Variants in TNFSF11 observed in about 807,000 individuals in gnomAD.
The protein encoded by TNFSF11 is TNF superfamily member 11, also known as tumor necrosis factor ligand superfamily member 11.
Under a neutral mutation model 32.2 loss-of-function variants are expected in TNFSF11, and 12 were observed. The observed-to-expected ratio is 0.37, with a 90% CI of 0.24 to 0.60. The LOEUF is 0.60. TNFSF11 is among the 20% of genes least tolerant of loss of function. The pLI is 0.66. For synonymous variants in TNFSF11, 172 were observed against 152.1 expected (o/e 1.13, Z -0.96); for missense variants, 345 against 398.0 (o/e 0.87, Z 1.13).
intron 1 of TNFSF11, among the ~76,000 whole-genome samples, chr13:42,563,404 T>C (rs1265478266): frequency 6.6e-6 from 1 of 152,220 alleles, no homozygotes; most frequent in Non-Finnish European, 1.5e-5. Flanking sequence ...GGCTCACACC[T>C]GTAATCCCAG....
chr13:42,602,583 A>G (rs1869237155), intron 4 of TNFSF11, among the ~76,000 whole-genome samples: 1 of 152,210 alleles, frequency 6.6e-6, no homozygotes, highest in African/African-American at 2.4e-5. Context: ...TGCTTCATAA[A>G]TAATTTGTCT....
At chr13:42,569,337 G>A (rs548555466), upstream of TNFSF11, among the ~76,000 whole-genome samples, 7 of 151,854 alleles carry the variant, frequency 4.6e-5, no homozygotes, top group South Asian at 4.2e-4. Context: ...TCATGAGGTC[G>A]GGAGATCGAG....
In TNFSF11 at chr13:42,600,972, A is replaced by T. The variant is rs780672646; in HGVS notation, c.523A>T (p.Ile175Phe). 2 of 1,614,162 alleles carry T rather than the reference A, an allele frequency of 1.2e-6. No homozygotes were observed. The highest frequency in any genetic ancestry group is 1.7e-6 in the Non-Finnish European group (2 of 1,180,000). Residue 175 changes from isoleucine to phenylalanine, a missense_variant, in exon 4 of 5, where the codon ATC (isoleucine) becomes TTC (phenylalanine). By Grantham distance (21) the Ile-to-Phe change is conservative. Transcript: ENST00000398795. Reference protein sequence around the residue: ...FAHLTINATDIPSGSHKVSLS... With the variant: ...FAHLTINATDFPSGSHKVSLS... ...TCATCTCACTATTAATGCCACCGAC[A>T]TCCCATCTGGTAAGCTCTATCTGCA...
chr13:42,593,700 A>G (rs1451790444), intron 2 of TNFSF11, among the ~76,000 whole-genome samples: 1 of 152,240 alleles, frequency 6.6e-6, no homozygotes, highest in Non-Finnish European at 1.5e-5. Flanking sequence ...CATGAAGGGT[A>G]TCATTAAGAT....
At chr13:42,591,811 T>G (rs1317689167) in intron 2 of TNFSF11, among the ~76,000 whole-genome samples, 30 of 152,066 alleles carry the variant, frequency 2.0e-4, no homozygotes, top group Non-Finnish European at 1.5e-5. Flanking sequence ...AAGAATGCCG[T>G]GGAAATAAGA....
At chr13:42,565,452 C>T (rs1056051030) in intron 1 of TNFSF11, among the ~76,000 whole-genome samples, 2 of 151,968 alleles carry the variant, frequency 1.3e-5, no homozygotes, top group Non-Finnish European at 2.9e-5. Context: ...TTTGTGGGGA[C>T]AACAATTATC....
chr13:42,592,515 C>G (rs1007342128), intron 2 of TNFSF11, among the ~76,000 whole-genome samples: 2 of 152,200 alleles, frequency 1.3e-5, no homozygotes, highest in Middle Eastern at 3.2e-3. Context: ...TCCCTCAGCA[C>G]CTGGCATGTT....
intron 2 of TNFSF11, among the ~76,000 whole-genome samples, chr13:42,585,046 C>T (rs1310375636): frequency 1.3e-5 from 2 of 152,172 alleles, no homozygotes; most frequent in Non-Finnish European, 2.9e-5. Flanking sequence ...AGGCACCTTG[C>T]CATGTCTTTC....
At chr13:42,599,152 G>A (rs942288102) in intron 2 of TNFSF11, among the ~76,000 whole-genome samples, 1 of 152,164 alleles carries the variant, frequency 6.6e-6, no homozygotes, top group Non-Finnish European at 1.5e-5. Context: ...CTTCAGAACA[G>A]GTCAGTGAAG....
intron 2 of TNFSF11, among the ~76,000 whole-genome samples, chr13:42,588,088 T>A (rs1873984157): frequency 6.6e-6 from 1 of 152,242 alleles, no homozygotes; most frequent in Non-Finnish European, 1.5e-5. Context: ...AGTCATGTAG[T>A]GGTTTTCCAA....
intron 2 of TNFSF11, among the ~76,000 whole-genome samples, chr13:42,583,417 T>TAA (rs71747752): frequency 0.029 from 715 of 24,604 alleles, 38 homozygotes; most frequent in Middle Eastern, 0.091. Flanking sequence ...AAGACCCTGC[T>TAA]AAAAAAAAAA....
intron 2 of TNFSF11, among the ~76,000 whole-genome samples, chr13:42,588,799 G>A (rs1242072037): frequency 6.6e-6 from 1 of 152,216 alleles, no homozygotes; most frequent in East Asian, 1.9e-4. Context: ...GGTGGACAGG[G>A]AAGCCATGGT....
Position 42,581,280 on chromosome 13 carries a change from G to A in TNFSF11, c.374G>A (p.Gly125Glu). ...SCRRIKQAFQ[G>E]AVQKELQHIV... ...AGGAGAATTAAACAGGCCTTTCAAG[G>A]AGCTGTGCAAAAGGTAAGTCCACAT... Residue 125 changes from glycine to glutamate, a missense_variant, in exon 2 of 5, where the codon GGA becomes GAA. Gly to Glu is a moderately conservative substitution (Grantham distance 98, BLOSUM62 -2). This residue lies in a region of TNFSF11 where 197 missense variants were observed against 182.0 expected (regional missense o/e 1.08). Coordinates refer to ENST00000398795, the MANE Select transcript of TNFSF11 (RefSeq NM_003701.4). The A allele has an allele frequency of 2.5e-6, 4 of 1,613,988 alleles. No individual in the cohort carries two copies. The highest frequency in any genetic ancestry group is 3.4e-6 in the Non-Finnish European group (4 of 1,179,940).
intron 4 of TNFSF11, among the ~76,000 whole-genome samples, chr13:42,603,793 A>G (rs1327889292): frequency 6.6e-6 from 1 of 152,172 alleles, no homozygotes; most frequent in Non-Finnish European, 1.5e-5. Context: ...TATTTTCTCT[A>G]CTATTAGTGG....
intron 2 of TNFSF11, among the ~76,000 whole-genome samples, chr13:42,594,006 A>G (rs558421369): frequency 1.5e-4 from 23 of 152,364 alleles, no homozygotes; most frequent in Non-Finnish European, 1.8e-4. Flanking sequence ...GACTCCAGCA[A>G]CTTGACCTTT....
chr13:42,590,028 G>A (rs1376044913), intron 2 of TNFSF11, among the ~76,000 whole-genome samples: 1 of 152,234 alleles, frequency 6.6e-6, no homozygotes, highest in African/African-American at 2.4e-5. Context: ...GGCCCACACG[G>A]GGCTTCTTGT....
At chr13:42,594,908 A>G (rs1868713640) in intron 2 of TNFSF11, among the ~76,000 whole-genome samples, 1 of 152,016 alleles carries the variant, frequency 6.6e-6, no homozygotes, top group Non-Finnish European at 1.5e-5. Context: ...AAATTGTGTA[A>G]TCCCAGCATT....
chr13:42,579,362 T>A (rs1476867107), intron 1 of TNFSF11, among the ~76,000 whole-genome samples: 2 of 150,492 alleles, frequency 1.3e-5, no homozygotes, highest in Non-Finnish European at 2.9e-5. Flanking sequence ...TGAGCTATGA[T>A]TATGCCACTG....
At chr13:42,586,245 G>A (rs573930592) in intron 2 of TNFSF11, among the ~76,000 whole-genome samples, 39 of 152,286 alleles carry the variant, frequency 2.6e-4, no homozygotes, top group African/African-American at 2.9e-4. Context: ...CAGCCATTTC[G>A]CGCACATCTG....
Sources: allele counts gnomAD v4.1 joint callset (sites outside exome capture counted in the v4.1 genomes callset), GRCh38; gene constraint gnomAD v4.1.1; regional missense constraint gnomAD v4.1.1; transcripts MANE v1.5; gene names NCBI Gene and HGNC (gene_info 2026-07-23, HGNC 2026-07-21).